The following SGCZ variants were observed in gnomAD, a reference collection of about 807,000 sequenced individuals.
SGCZ encodes the protein zeta-sarcoglycan.
In SGCZ, 40 loss-of-function variants were observed where a neutral mutation model predicts 41.3. The ratio of observed to expected loss-of-function variants is 0.97; its 90% CI spans 0.75 to 1.26. The LOEUF is 1.26. Ranked by LOEUF, SGCZ falls within the 50% of genes most tolerant of loss-of-function variation. The pLI, the probability that SGCZ is intolerant of heterozygous loss-of-function variation, is 0.00. For missense variants in SGCZ, 552 were observed against 369.8 expected (o/e 1.49, Z -4.04); for synonymous variants, 206 against 137.5 (o/e 1.50, Z -3.49).
At chr8:14,324,588 A>T (rs1430830669) in intron 2 of SGCZ, among the ~76,000 whole-genome samples, 1 of 152,166 alleles carries the variant, frequency 6.6e-6, no homozygotes, top group Non-Finnish European at 1.5e-5. Context: ...TTTACATTAC[A>T]GTTATACAAA....
chr8:14,293,297 C>T (rs905198452), intron 3 of SGCZ, among the ~76,000 whole-genome samples: 2 of 152,008 alleles, frequency 1.3e-5, no homozygotes, highest in African/African-American at 4.8e-5. Context: ...ACTCTGTCTG[C>T]CACACATGAA....
At chr8:14,521,582 T>C (rs1802790118) in intron 2 of SGCZ, among the ~76,000 whole-genome samples, 1 of 152,162 alleles carries the variant, frequency 6.6e-6, no homozygotes, top group Non-Finnish European at 1.5e-5. Context: ...GTTTCCAAAA[T>C]TTAACAATTA....
intron 2 of SGCZ, among the ~76,000 whole-genome samples, chr8:14,327,680 G>A (rs1315682224): frequency 6.6e-6 from 1 of 152,074 alleles, no homozygotes; most frequent in Non-Finnish European, 1.5e-5. Context: ...AGCTTCGTGT[G>A]TTTTCTTCTT....
intron 1 of SGCZ, among the ~76,000 whole-genome samples, chr8:15,206,562 C>T (rs1467168155): frequency 6.6e-6 from 1 of 151,320 alleles, no homozygotes; most frequent in Non-Finnish European, 1.5e-5. Flanking sequence ...CAATTCTCTG[C>T]CTCAGCCTCC....
intron 5 of SGCZ, among the ~76,000 whole-genome samples, chr8:14,132,921 G>A (rs921212271): frequency 6.6e-6 from 1 of 152,012 alleles, no homozygotes; most frequent in African/African-American, 2.4e-5. Context: ...ACTGAAATTC[G>A]CTTTGTGTGC....
At chr8:14,379,538 T>A (rs1804277415) in intron 2 of SGCZ, among the ~76,000 whole-genome samples, 1 of 152,140 alleles carries the variant, frequency 6.6e-6, no homozygotes, top group African/African-American at 2.4e-5. Flanking sequence ...ATGAAGACAT[T>A]AAATTTTCTT....
chr8:14,505,803 T>C (rs1802287784), intron 2 of SGCZ, among the ~76,000 whole-genome samples: 1 of 151,992 alleles, frequency 6.6e-6, no homozygotes, highest in African/African-American at 2.4e-5. Flanking sequence ...CAAAAACTGG[T>C]CCCCATACTA....
chr8:14,916,051 T>G (rs1446659962), intron 1 of SGCZ, among the ~76,000 whole-genome samples: 1 of 152,304 alleles, frequency 6.6e-6, no homozygotes, highest in South Asian at 2.1e-4. Context: ...ACGAATATGT[T>G]AATATATAAG....
intron 3 of SGCZ, among the ~76,000 whole-genome samples, chr8:14,298,014 C>T (rs577319425): frequency 6.6e-6 from 1 of 151,944 alleles, no homozygotes; most frequent in South Asian, 2.1e-4. Flanking sequence ...TTATCTTGAT[C>T]AAGTGGGATT....
intron 1 of SGCZ, among the ~76,000 whole-genome samples, chr8:14,606,737 A>G (rs924779526): frequency 1.3e-5 from 2 of 152,308 alleles, no homozygotes; most frequent in South Asian, 4.1e-4. Context: ...TCCCTGGCAC[A>G]TGGTTAGTGT....
intron 2 of SGCZ, among the ~76,000 whole-genome samples, chr8:14,541,759 G>C (rs1803475644): frequency 6.6e-6 from 1 of 152,092 alleles, no homozygotes; most frequent in Non-Finnish European, 1.5e-5. Context: ...CAGTGTAAAA[G>C]CAGTCCTATT....
chr8:14,499,155 G>T (rs374971827), intron 2 of SGCZ, among the ~76,000 whole-genome samples: 9 of 151,918 alleles, frequency 5.9e-5, no homozygotes, highest in African/African-American at 1.9e-4. Context: ...AAGAATTTGT[G>T]TGAAAAATCT....
At chr8:14,639,165 A>G (rs1806937210) in intron 1 of SGCZ, among the ~76,000 whole-genome samples, 2 of 151,056 alleles carry the variant, frequency 1.3e-5, no homozygotes, top group African/African-American at 4.9e-5. Flanking sequence ...CCTGTCTCAG[A>G]AAAAGTGGAA....
intron 4 of SGCZ, among the ~76,000 whole-genome samples, chr8:14,223,049 A>T (rs1459069222): frequency 6.6e-6 from 1 of 151,862 alleles, no homozygotes; most frequent in Non-Finnish European, 1.5e-5. Flanking sequence ...TGATCTCATG[A>T]TCCACCTACC....
rs775423781 is a variant in SGCZ, at chr8:15,157,425, G to GA, written c.39+80159dup. ...CAAAGCAAGACCGTCTCTTAAGGGG[G>GA]AAAAAAAAAAAGTAGCCCGTAATTT... On this transcript the variant is annotated intron_variant, in intron 1 of 7. Coordinates refer to ENST00000382080, the MANE Select transcript of SGCZ (RefSeq NM_139167.4). Among the ~76,000 whole-genome samples the GA allele has an allele frequency of 3.7e-3, 512 of 139,344 alleles. 1 individual carries two copies. Among genetic ancestry groups the GA allele is most frequent in the Non-Finnish European group, 6.0e-3 (379 of 63,674 alleles). 91.4% of individuals were successfully genotyped at this position (139,344 alleles called of 152,430 possible).
intron 1 of SGCZ, among the ~76,000 whole-genome samples, chr8:15,050,440 A>T (rs1804471505): frequency 6.6e-6 from 1 of 152,172 alleles, no homozygotes; most frequent in South Asian, 2.1e-4. Context: ...AGAAGTATTG[A>T]GCTTAGGCAT....
intron 1 of SGCZ, among the ~76,000 whole-genome samples, chr8:15,007,108 A>G (rs867950735): frequency 3.9e-5 from 6 of 152,250 alleles, no homozygotes; most frequent in Non-Finnish European, 8.8e-5. Flanking sequence ...ATTCCAGCCT[A>G]TGACAGACAA....
At chr8:15,188,388 T>A (rs1039512454) in intron 1 of SGCZ, among the ~76,000 whole-genome samples, 7 of 152,132 alleles carry the variant, frequency 4.6e-5, no homozygotes, top group Non-Finnish European at 1.0e-4. Context: ...TCTCTGTTAA[T>A]CTATAGATCT....
intron 1 of SGCZ, among the ~76,000 whole-genome samples, chr8:15,144,311 A>G (rs1254113241): frequency 6.6e-6 from 1 of 152,194 alleles, no homozygotes; most frequent in East Asian, 1.9e-4. Context: ...CACAATTTCA[A>G]CAAAGCTCTA....
Sources: allele counts gnomAD v4.1 joint callset (sites outside exome capture counted in the v4.1 genomes callset), GRCh38; gene constraint gnomAD v4.1.1; transcripts MANE v1.5; gene names NCBI Gene and HGNC (gene_info 2026-07-23, HGNC 2026-07-21).